SPEF1: variants seen among roughly 807,000 people sequenced by gnomAD.
SPEF1 encodes sperm flagella and cilia-associated protein 1.
Under a neutral mutation model 31.8 loss-of-function variants are expected in SPEF1, and 30 were observed. That is an observed-to-expected ratio of 0.94 (90% CI 0.70 to 1.28). The LOEUF (loss-of-function observed/expected upper bound fraction) is 1.28. Ranked by LOEUF, SPEF1 falls within the 50% of genes most tolerant of loss-of-function variation. The pLI is 0.00. For synonymous variants in SPEF1, 126 were observed against 130.1 expected, an observed-to-expected ratio of 0.97 and a Z score of 0.21; for missense variants, 298 against 309.6, an observed-to-expected ratio of 0.96 and a Z score of 0.28.
chr20:3,779,740 T>G lies in SPEF1; in HGVS notation c.145A>C (p.Lys49Gln). 6.2e-7 allele frequency: 1 copy of G among 1,611,246 alleles called. No homozygotes were observed. Residue 49 changes from lysine to glutamine, a missense_variant, in exon 2 of 7, where the codon AAG (lysine) becomes CAG (glutamine). By Grantham distance (53) the Lys-to-Gln change is moderately conservative (BLOSUM62 1). Coordinates refer to ENST00000379756, the MANE Select transcript of SPEF1 (RefSeq NM_015417.5). ...ACATAATTGTGCATCTCCACCATCT[T>G]GGGGAAGTAAAACTTGATGACCTCT... ...VAEVIKFYFP[K>Q]MVEMHNYVPA...
At chr20:3,781,004 C>T (rs961426448) in intron 1 of SPEF1, among the ~76,000 whole-genome samples, 175 bp downstream of exon 1, 11 of 152,200 alleles carry the variant, frequency 7.2e-5, no homozygotes, top group African/African-American at 2.4e-4. Flanking sequence ...TATATGGACA[C>T]ACATCGTTCA....
chr20:3,778,083 G>A lies in SPEF1; in HGVS notation c.*129C>T. The stretch of plus-strand genomic sequence containing the variant: ...CCCATCCCAAGGAAGGAGGGCACTC[G>A]GGCCCCAGCAGGCTCGTGAGAGCAG... On this transcript the variant is annotated 3_prime_UTR_variant, in exon 7 of 7. Transcript: ENST00000379756. 1.5e-6 allele frequency: 1 copy of A among 665,906 alleles called. No homozygotes were observed. The highest frequency in any genetic ancestry group is 3.2e-5 in the Admixed American group (1 of 31,528). The allele number at this position is 665,906 out of a possible 1,614,324, so 41.2% of individuals were successfully genotyped here. A position where few individuals can be genotyped will look rare whatever the true frequency, so the allele number is the denominator to read the frequency against.
intron 1 of SPEF1, among the ~76,000 whole-genome samples, chr20:3,780,951 A>AC (rs199556015): frequency 0.048 from 7,233 of 151,582 alleles, 231 homozygotes; most frequent in Non-Finnish European, 0.072. Context: ...AGTTAGAGGC[A>AC]CCCCCCCCAA....
rs2088779267 is a variant in SPEF1, at chr20:3,781,437, A to T, written c.-150T>A. 1 of 1,271,576 alleles carries T rather than the reference A, an allele frequency of 7.9e-7. No individual in the cohort carries two copies. Among genetic ancestry groups the T allele is most frequent in the Non-Finnish European group, 1.1e-6 (1 of 948,304 alleles). The allele number at this position is 1,271,576 out of a possible 1,614,324, so 78.8% of individuals were successfully genotyped here. On this transcript the variant is annotated 5_prime_UTR_variant, in exon 1 of 7. The change abolishes an upstream ATG in the 5' untranslated region. Transcript: ENST00000379756. ...ACTCACGTCCCAGCTGGGAGCGGCC[A>T]TATTGTTTTCTGAAACCATGGAAAC...
rs1371329668 is a variant in SPEF1, at chr20:3,778,771, C to T, written c.454G>A (p.Asp152Asn). 1.2e-6 allele frequency: 2 copies of T among 1,613,928 alleles called. No homozygotes were observed. Among genetic ancestry groups the T allele is most frequent in the South Asian group, 2.2e-5 (2 of 91,050 alleles). ...SQKARGEGVP[D>N]PQGGGQLSWD... The stretch of plus-strand genomic sequence containing the variant: ...CTGAGCTGACCCCCTCCCTGGGGGT[C>T]CGGGACACCTTCACCTCGGGCCTTC... The change falls in exon 5 of 7, where the codon GAC becomes AAC. Residue 152 changes from aspartate (D) to asparagine (N), a missense_variant. Transcript: ENST00000379756.
chr20:3,780,653 C>T (rs1439596170), intron 1 of SPEF1, among the ~76,000 whole-genome samples: 1 of 152,100 alleles, frequency 6.6e-6, no homozygotes, highest in Non-Finnish European at 1.5e-5. Context: ...CCCAAATATA[C>T]AGATACAGAG....
At chr20:3,779,388 T>C (rs754605772) in intron 2 of SPEF1, 36 bp from the exon 3 acceptor site, 21 of 1,553,266 alleles carry the variant, frequency 1.4e-5, no homozygotes, top group Admixed American at 1.2e-4. Flanking sequence ...GATTGGGTCC[T>C]GGGGAAATGA....
chr20:3,778,271 T>C lies in SPEF1; in HGVS notation c.652A>G (p.Asn218Asp), dbSNP rs775545562. Residue 218 changes from asparagine to aspartate, a missense_variant, in exon 7 of 7, where the codon AAT becomes GAT. Transcript: ENST00000379756. ...CGGGAGAGGTCTTCGATCCGCACATTCTTGAGCTGGAGCAGGTGCTCCAGG... is the reference window on the plus strand; with the variant it reads ...CGGGAGAGGTCTTCGATCCGCACATCCTTGAGCTGGAGCAGGTGCTCCAGG... ...RRLEHLLQLK[N>D]VRIEDLSRRL... 14 of 1,612,064 alleles carry C rather than the reference T, an allele frequency of 8.7e-6. No individual in the cohort carries two copies. The highest frequency in any genetic ancestry group is 8.4e-5 in the Admixed American group (5 of 59,750).
Position 3,778,543 on chromosome 20 carries a change from A to G in SPEF1, c.481T>C (p.Trp161Arg). ...PDPQGGGQLS[W>R]DRPPAPRPPA... is the part of the protein sequence containing the mutation. ...GGCCGAGGCGCCGGCGGCCGGTCCC[A>G]GCTGGGGTGGGAAGCAGCTTAGCGG... The change falls in exon 6 of 7, where the codon TGG (tryptophan) becomes CGG (arginine). Residue 161 changes from tryptophan (W) to arginine (R), a missense_variant and splice_region_variant. Physicochemically the swap from Trp to Arg is moderately radical, Grantham distance 101 (BLOSUM62 -3). Transcript: ENST00000379756. 1 of 1,605,994 alleles carries G rather than the reference A, an allele frequency of 6.2e-7. No homozygotes were observed. Among genetic ancestry groups the G allele is most frequent in the Non-Finnish European group, 8.5e-7 (1 of 1,177,750 alleles).
In SPEF1 at chr20:3,779,324, C is replaced by T. The variant is rs1359001160; in HGVS notation, c.250G>A (p.Val84Ile). 6.2e-7 allele frequency: 1 copy of T among 1,600,006 alleles called. No homozygotes were observed. The highest frequency in any genetic ancestry group is 8.5e-7 in the Non-Finnish European group (1 of 1,171,330). Residue 84 changes from valine (V) to isoleucine (I), a missense_variant, in exon 3 of 7, where the codon GTA (valine) becomes ATA (isoleucine). By Grantham distance (29) the Val-to-Ile change is conservative. Transcript: ENST00000379756. ...RKVLKRLNFS[V>I]PDDVMRKIAQ... Reference sequence around the variant, plus strand: ...ATCTTGCGCATCACGTCATCCGGTACTGAAAAGTTCAGCCTCTTCAGTACC... The same window carrying T: ...ATCTTGCGCATCACGTCATCCGGTATTGAAAAGTTCAGCCTCTTCAGTACC...
In SPEF1 at chr20:3,778,447, G is replaced by T; in HGVS notation, c.577C>A (p.Leu193Met). Residue 193 changes from leucine to methionine, a missense_variant, in exon 6 of 7, where the codon CTG becomes ATG. By Grantham distance (15) the Leu-to-Met change is conservative. Transcript: ENST00000379756. ...TGCACGGTCTCTTGAGAGGCCAACA[G>T]CTCCTGCTCCTTTTCAGCGATCTGG... is the stretch of plus-strand genomic sequence containing the variant. The part of the protein sequence containing the change: ...VLQIAEKEQE[L>M]LASQETVQVL... 7 of 1,613,898 alleles carry T rather than the reference G, an allele frequency of 4.3e-6. No homozygotes were observed. Among genetic ancestry groups the T allele is most frequent in the Non-Finnish European group, 5.9e-6 (7 of 1,179,976 alleles).
At position 3,778,297 on chromosome 20, in the gene SPEF1, C is replaced by A. The variant is rs201917752; in HGVS notation, c.626G>T (p.Arg209Leu). ...TVQVLQMKVR[R>L]LEHLLQLKNV... ...CTTGAGCTGGAGCAGGTGCTCCAGG[C>A]GCCTTACCTTCATCTGCAGGACCTA... The change falls in exon 7 of 7, where the codon CGC (arginine) becomes CTC (leucine). Residue 209 changes from arginine (R) to leucine (L), a missense_variant. Transcript: ENST00000379756. The A allele has an allele frequency of 5.0e-6, 8 of 1,612,520 alleles. No homozygotes were observed. In the East Asian group the frequency reaches 1.6e-4, roughly 31 times the overall value.
chr20:3,780,311 G>A lies in SPEF1; in HGVS notation c.110-536C>T, dbSNP rs1026386727. Among the ~76,000 whole-genome samples the A allele has an allele frequency of 2.9e-5, 4 of 135,802 alleles. No homozygotes were observed. The Admixed American group carries it at 3.1e-4, about 11-fold the overall frequency. 89.1% of individuals were successfully genotyped at this position (135,802 alleles called of 152,430 possible). A position where few individuals can be genotyped will look rare whatever the true frequency, so the allele number is the denominator to read the frequency against. On this transcript the variant is annotated intron_variant, in intron 1 of 6. Coordinates refer to ENST00000379756, the MANE Select transcript of SPEF1 (RefSeq NM_015417.5). The stretch of plus-strand genomic sequence containing the variant: ...ATCATGCCACTGCACTCCAGCCTGG[G>A]CGACAAGAGTGAGACTCTGTCTCAA...
chr20:3,779,149 C>T (rs1368353845), intron 3 of SPEF1, 47 bp downstream of exon 3: 1 of 1,543,546 alleles, frequency 6.5e-7, no homozygotes, highest in Non-Finnish European at 8.8e-7. Flanking sequence ...GGGAGCGCCC[C>T]CCACCCAGCC....
Position 3,777,972 on chromosome 20 carries a change from C to A in SPEF1, c.*240G>T. On this transcript the variant is annotated 3_prime_UTR_variant, in exon 7 of 7. Coordinates refer to ENST00000379756, the MANE Select transcript of SPEF1 (RefSeq NM_015417.5). This position sits in a 1 kb window ranked among gnomAD's most constrained non-coding sequence, Gnocchi z 4.1. ...GGGCTCTGGAAAGCGGTCCATTCTC[C>A]TGACCCGGATCTCCGGAGTGGTAGG... 1 of 506,816 alleles carries A rather than the reference C, an allele frequency of 2.0e-6. No individual in the cohort carries two copies. The highest frequency in any genetic ancestry group is 3.5e-6 in the Non-Finnish European group (1 of 285,272). The allele number at this position is 506,816 out of a possible 1,614,324, so 31.4% of individuals were successfully genotyped here.
intron 4 of SPEF1, 55 bp downstream of exon 4, chr20:3,778,896 G>A (rs970640991): frequency 2.2e-5 from 36 of 1,613,042 alleles, no homozygotes; most frequent in Middle Eastern, 1.6e-4. Context: ...GTGACAGGAA[G>A]AAGGACAGAA....
chr20:3,780,808 A>C (rs1240787931), intron 1 of SPEF1, among the ~76,000 whole-genome samples: 1 of 152,176 alleles, frequency 6.6e-6, no homozygotes, highest in Non-Finnish European at 1.5e-5. Context: ...AAGACTAAAC[A>C]TGTCAACACA....
At chr20:3,779,025 G>A (rs1385713317) in intron 3 of SPEF1, 35 bp from the exon 4 acceptor site, 2 of 1,613,870 alleles carry the variant, frequency 1.2e-6, no homozygotes, top group East Asian at 2.2e-5. Context: ...GTAAGCCCGG[G>A]CTCAGTCATC....
chr20:3,780,813 A>C (rs1200325143), intron 1 of SPEF1, among the ~76,000 whole-genome samples: 3 of 152,200 alleles, frequency 2.0e-5, no homozygotes, highest in Non-Finnish European at 4.4e-5. Context: ...TAAACATGTC[A>C]ACACATATGA....
Sources: gnomAD v4.1 joint callset for allele counts (sites outside exome capture counted in the v4.1 genomes callset) on GRCh38, gnomAD v4.1.1 for gene constraint, Gnocchi (gnomAD v3.1) non-coding constraint, MANE v1.5 for transcripts, NCBI Gene and HGNC (gene_info 2026-07-23, HGNC 2026-07-21) for gene names.